KDM5A: variants seen among roughly 807,000 people sequenced by gnomAD.
The protein encoded by KDM5A is lysine demethylase 5A, also known as lysine-specific demethylase 5A.
KDM5A carries 42 observed loss-of-function variants against 193.5 expected under a neutral mutation model. That is an observed-to-expected ratio of 0.22 (90% confidence interval 0.17 to 0.28). The LOEUF is 0.28. Among genes scored for constraint, KDM5A ranks in the 10% least tolerant of loss-of-function variants. The pLI is 1.00. For missense variants in KDM5A, 1,692 were observed against 2,055.1 expected (o/e 0.82, Z 3.42); for synonymous variants, 796 against 718.1 (o/e 1.11, Z -1.73).
In KDM5A at chr12:282,180, A is replaced by G; in HGVS notation, c.*3276T>C. 2 of 252,658 alleles carry G rather than the reference A, an allele frequency of 7.9e-6. No individual in the cohort carries two copies. Among genetic ancestry groups the G allele is most frequent in the East Asian group, 1.2e-4 (2 of 16,824 alleles). The allele number at this position is 252,658 out of a possible 1,614,324, so 15.7% of individuals were successfully genotyped here. On this transcript the variant is annotated 3_prime_UTR_variant, in exon 28 of 28. Coordinates refer to ENST00000399788, the MANE Select transcript of KDM5A (RefSeq NM_001042603.3). ...GCCTCTGTCCTTTAAAAAAAGAGAG[A>G]GACAGACAGACACATGGGGTCTCGC...
intron 3 of KDM5A, among the ~76,000 whole-genome samples, chr12:378,920 C>G (rs909909877): frequency 6.8e-6 from 1 of 147,268 alleles, no homozygotes; most frequent in Non-Finnish European, 1.5e-5. Flanking sequence ...AATCGTGCTG[C>G]TGCACTCCAG....
Position 323,789 on chromosome 12 carries a change from A to G in KDM5A, c.1969-8T>C. The G allele has an allele frequency of 6.2e-7, 1 of 1,610,682 alleles. No homozygotes were observed. The highest frequency in any genetic ancestry group is 8.5e-7 in the Non-Finnish European group (1 of 1,176,874). On this transcript the variant is annotated splice_polypyrimidine_tract_variant and splice_region_variant and intron_variant, in intron 14 of 27. Transcript: ENST00000399788. ...TTCTGACATCAGGACACCCTGAAAT[A>G]TAATTTATTTCACTAGATCAAGTCT...
chr12:303,466 A>G (rs962317654), intron 24 of KDM5A, among the ~76,000 whole-genome samples: 1 of 152,202 alleles, frequency 6.6e-6, no homozygotes, highest in African/African-American at 2.4e-5. Flanking sequence ...GAACAACGAG[A>G]ACATATGGAC....
chr12:289,903 C>CTCTTTTTTTTTTTTTTTTTTTTTT (rs1943269356), intron 27 of KDM5A, among the ~76,000 whole-genome samples: 1 of 106,740 alleles, frequency 9.4e-6, no homozygotes, highest in East Asian at 4.3e-4. Flanking sequence ...TTTTTTCTTT[C>CTCTTTTTTTTTTTTTTTTTTTTTT]TTTCTTTTTT....
intron 6 of KDM5A, among the ~76,000 whole-genome samples, chr12:355,643 A>T (rs1944222142): frequency 6.6e-6 from 1 of 152,236 alleles, no homozygotes; most frequent in African/African-American, 2.4e-5. Flanking sequence ...AAAGTACTTA[A>T]TTCTTAAAAA....
At position 350,840 on chromosome 12, in the gene KDM5A, A is replaced by G. The variant is rs1047203796; in HGVS notation, c.1150-61T>C. On this transcript the variant is annotated intron_variant, in intron 9 of 27. Coordinates refer to ENST00000399788, the MANE Select transcript of KDM5A (RefSeq NM_001042603.3). ...CCACTATAACTATAACCCATATAACATAATACACAGGATCAAGTAAACACA... is the reference window on the plus strand; with the variant it reads ...CCACTATAACTATAACCCATATAACGTAATACACAGGATCAAGTAAACACA... 11 of 1,419,972 alleles carry G rather than the reference A, an allele frequency of 7.7e-6. No individual in the cohort carries two copies. In the East Asian group the frequency reaches 1.8e-4, roughly 24 times the overall value. The allele number at this position is 1,419,972 out of a possible 1,614,324, so 88.0% of individuals were successfully genotyped here.
intron 17 of KDM5A, among the ~76,000 whole-genome samples, chr12:322,066 C>T (rs1943724040): frequency 6.6e-6 from 1 of 151,976 alleles, no homozygotes; most frequent in South Asian, 2.1e-4. Flanking sequence ...TCAGAAAAGC[C>T]CTTGCCAACA....
chr12:306,802 C>A (rs2137385907), intron 24 of KDM5A, 144 bp downstream of exon 24: 1 of 875,198 alleles, frequency 1.1e-6, no homozygotes, highest in Non-Finnish European at 1.8e-6. Context: ...TGAAAAAATG[C>A]TACGACTAAA....
intron 18 of KDM5A, 94 bp from the exon 19 acceptor site, chr12:318,555 TAG>T: frequency 1.2e-6 from 1 of 841,526 alleles, no homozygotes; most frequent in Non-Finnish European, 2.0e-6. Flanking sequence ...CTATCAATTC[TAG>T]ACTCTTATAA....
rs1468013695 is a variant in KDM5A, at chr12:287,378, C to G, written c.4867-1716G>C. Among the ~76,000 whole-genome samples the G allele has an allele frequency of 2.0e-5, 3 of 151,904 alleles. No homozygotes were observed. The East Asian group carries it at 5.8e-4, about 29-fold the overall frequency. On this transcript the variant is annotated intron_variant, in intron 27 of 27. Transcript: ENST00000399788. ...GATATCACTTCCTGTAAATTCAGAG[C>G]AACTTAACAATACCTTCCTAAACTG...
intron 5 of KDM5A, among the ~76,000 whole-genome samples, chr12:359,640 G>A (rs1303947734): frequency 1.3e-5 from 2 of 151,770 alleles, no homozygotes; most frequent in Non-Finnish European, 2.9e-5. Context: ...TACCTGGGAG[G>A]CTGAGGTGGG....
rs2229351 is a variant in KDM5A, at chr12:297,126, G to A, written c.4149C>T (p.Ser1383=). ...TCCACATGTGGGTCACCACCTCCTC[G>A]GATTTGATGGGAATCTCTTCATCAC... The part of the protein sequence containing the change: ...LFCDEEIPIK[S]EEVVTHMWTA... The change falls in exon 25 of 28, where the codon TCC becomes TCT. Residue 1383 remains serine, a synonymous_variant. Coordinates refer to ENST00000399788, the MANE Select transcript of KDM5A (RefSeq NM_001042603.3). 0.28 allele frequency: 459,416 copies of A among 1,613,262 alleles called. 68,039 individuals carry two copies. Among genetic ancestry groups the A allele is most frequent in the East Asian group, 0.52 (23,189 of 44,772 alleles).
intron 3 of KDM5A, among the ~76,000 whole-genome samples, chr12:375,424 A>T (rs1591939471): frequency 6.6e-6 from 1 of 152,178 alleles, no homozygotes; most frequent in African/African-American, 2.4e-5. Context: ...TTTCAGCTCC[A>T]TCAGGTCATT....
chr12:388,833 G>A (rs985358323), intron 1 of KDM5A, 94 bp downstream of exon 1: 1 of 1,430,146 alleles, frequency 7.0e-7, no homozygotes, highest in Non-Finnish European at 9.9e-7. Flanking sequence ...GAGTACATAT[G>A]AAACGAGACA....
Position 389,303 on chromosome 12 carries a change from G to A in KDM5A, c.-212C>T, listed in dbSNP as rs1405931906. Reference sequence around the variant, plus strand: ...TTCCACTGAGGTTCAGGACTTTTCCGGAAGTTACCGTGCTGTCAAATCCCT... The same window carrying A: ...TTCCACTGAGGTTCAGGACTTTTCCAGAAGTTACCGTGCTGTCAAATCCCT... On this transcript the variant is annotated 5_prime_UTR_variant, in exon 1 of 28. Coordinates refer to ENST00000399788, the MANE Select transcript of KDM5A (RefSeq NM_001042603.3). 4.4e-6 allele frequency: 3 copies of A among 686,258 alleles called. No homozygotes were observed. The highest frequency in any genetic ancestry group is 3.5e-5 in the African/African-American group (2 of 56,778). The allele number at this position is 686,258 out of a possible 1,614,324, so 42.5% of individuals were successfully genotyped here.
rs371158380 is a variant in KDM5A, at chr12:352,286, T to C, written c.1068A>G (p.Gln356=). Residue 356 remains glutamine, a synonymous_variant, in exon 9 of 28, where the codon CAA becomes CAG. Coordinates refer to ENST00000399788, the MANE Select transcript of KDM5A (RefSeq NM_001042603.3). The part of the protein sequence containing the change: ...SKPREAFGFE[Q]AVREYTLQSF... The stretch of plus-strand genomic sequence containing the variant: ...TCTGAAGTGTATACTCTCGTACAGC[T>C]TGTTCAAATCCAAAGGCTTCTCGAG... 126 of 1,613,046 alleles carry C rather than the reference T, an allele frequency of 7.8e-5. No homozygotes were observed. The highest frequency in any genetic ancestry group is 8.2e-5 in the Non-Finnish European group (97 of 1,179,092).
chr12:328,715 C>G (rs1943823859), intron 14 of KDM5A, 120 bp downstream of exon 14: 1 of 839,794 alleles, frequency 1.2e-6, no homozygotes, highest in Non-Finnish European at 1.9e-6. Flanking sequence ...AAATCTTCTC[C>G]AAATCAGTGA....
Position 362,972 on chromosome 12 carries a change from C to T in KDM5A, c.663G>A (p.Val221=), listed in dbSNP as rs1392521626. 2 of 1,614,030 alleles carry T rather than the reference C, an allele frequency of 1.2e-6. No homozygotes were observed. Among genetic ancestry groups the T allele is most frequent in the African/African-American group, 1.3e-5 (1 of 74,918 alleles). ...MNILPKRTRR[V]KTQSESGDVS... ...CCCAAGACATTGATACCTGAGTCTT[C>T]ACACGTCTTGTTCTCTTCGGCAGAA... Residue 221 remains valine, a synonymous_variant, in exon 5 of 28, where the codon GTG becomes GTA. Transcript: ENST00000399788.
chr12:343,109 C>A (rs1258775064), intron 10 of KDM5A, among the ~76,000 whole-genome samples: 3 of 152,238 alleles, frequency 2.0e-5, no homozygotes, highest in Admixed American at 2.0e-4. Flanking sequence ...AACTGGCAGA[C>A]AAGGTGATTC....
Sources: gnomAD v4.1 joint callset for allele counts (sites outside exome capture counted in the v4.1 genomes callset) on GRCh38, gnomAD v4.1.1 for gene constraint, MANE v1.5 for transcripts, NCBI Gene and HGNC (gene_info 2026-07-23, HGNC 2026-07-21) for gene names.